ITIH2: variants seen among roughly 807,000 people sequenced by gnomAD.
ITIH2 encodes inter-alpha-trypsin inhibitor heavy chain H2.
A neutral mutation model predicts 104.4 loss-of-function variants in ITIH2; 103 were observed. The ratio of observed to expected loss-of-function variants is 0.99; its 90% CI spans 0.84 to 1.16. The LOEUF (loss-of-function observed/expected upper bound fraction) is 1.16. Ranked by LOEUF, ITIH2 falls within the 50% of genes most tolerant of loss-of-function variation. The pLI, the probability that ITIH2 is intolerant of heterozygous loss-of-function variation, is 0.00. For missense variants in ITIH2, 1,108 were observed against 1,162.4 expected, an observed-to-expected ratio of 0.95 and a Z score of 0.68; for synonymous variants, 436 against 435.4, an observed-to-expected ratio of 1.00 and a Z score of -0.02.
At chr10:7,740,331 C>T (rs933161475) in intron 16 of ITIH2, among the ~76,000 whole-genome samples, 10 of 152,308 alleles carry the variant, frequency 6.6e-5, no homozygotes, top group Non-Finnish European at 7.3e-5. Flanking sequence ...ACAACACTCC[C>T]GTCTCCTACC....
At chr10:7,740,458 T>G (rs929716421) in intron 16 of ITIH2, among the ~76,000 whole-genome samples, 1 of 152,196 alleles carries the variant, frequency 6.6e-6, no homozygotes, top group African/African-American at 2.4e-5. Flanking sequence ...GGAGGAGCAG[T>G]TGCTTTTACT....
chr10:7,704,922 G>A (rs1167008586), intron 1 of ITIH2, among the ~76,000 whole-genome samples, 186 bp from the exon 2 acceptor site: 1 of 151,288 alleles, frequency 6.6e-6, no homozygotes, highest in African/African-American at 2.4e-5. Flanking sequence ...GGCCTGTCAG[G>A]GGGTGGGGGG....
chr10:7,747,704 T>C (rs1038618526), intron 20 of ITIH2, among the ~76,000 whole-genome samples: 3 of 151,858 alleles, frequency 2.0e-5, no homozygotes, highest in Non-Finnish European at 2.9e-5. Flanking sequence ...CTGGGCAACA[T>C]AGTAAGACTC....
At chr10:7,735,371 G>A (rs1485077238) in intron 15 of ITIH2, among the ~76,000 whole-genome samples, 4 of 152,110 alleles carry the variant, frequency 2.6e-5, no homozygotes, top group Non-Finnish European at 4.4e-5. Context: ...ATCTTAGCCT[G>A]GGCAACATAG....
Position 7,705,821 on chromosome 10 carries a change from G to A in ITIH2, c.159+639G>A, listed in dbSNP as rs145278686. ...TTAGGAAGACTTTTCTTATTTTAGCGATGACAGACACTCCCCCTTGCAGCC... is the reference window on the plus strand; with the variant it reads ...TTAGGAAGACTTTTCTTATTTTAGCAATGACAGACACTCCCCCTTGCAGCC... On this transcript the variant is annotated intron_variant, in intron 2 of 20. Coordinates refer to ENST00000358415, the MANE Select transcript of ITIH2 (RefSeq NM_002216.3). Among the ~76,000 whole-genome samples, 85 of 151,938 alleles carry A rather than the reference G, an allele frequency of 5.6e-4. 1 individual carries two copies. Among genetic ancestry groups the A allele is most frequent in the Middle Eastern group, 3.4e-3 (1 of 294 alleles).
intron 5 of ITIH2, among the ~76,000 whole-genome samples, chr10:7,715,706 C>G (rs1300261848): frequency 2.0e-5 from 3 of 152,296 alleles, no homozygotes; most frequent in Admixed American, 2.0e-4. Context: ...ATCCCTTAGG[C>G]TGATTGTGCA....
At chr10:7,719,056 G>A (rs1176065288) in intron 6 of ITIH2, among the ~76,000 whole-genome samples, 4 of 152,184 alleles carry the variant, frequency 2.6e-5, no homozygotes, top group Non-Finnish European at 5.9e-5. Flanking sequence ...AGAGTACAGA[G>A]GCCAACATGC....
At chr10:7,736,771 A>G (rs1332381856) in intron 15 of ITIH2, among the ~76,000 whole-genome samples, 1 of 152,200 alleles carries the variant, frequency 6.6e-6, no homozygotes, top group Non-Finnish European at 1.5e-5. Context: ...GAATGGATTG[A>G]AAGAGACAGG....
chr10:7,747,708 A>G (rs1418706844), intron 20 of ITIH2, among the ~76,000 whole-genome samples: 4 of 152,126 alleles, frequency 2.6e-5, no homozygotes, highest in Non-Finnish European at 5.9e-5. Context: ...GCAACATAGT[A>G]AGACTCCATC....
At position 7,749,409 on chromosome 10, in the gene ITIH2, T is replaced by C. The variant is rs1835216211; in HGVS notation, c.*75T>C. The C allele has an allele frequency of 1.5e-6, 2 of 1,301,010 alleles. No homozygotes were observed. Among genetic ancestry groups the C allele is most frequent in the South Asian group, 2.9e-5 (2 of 69,782 alleles). The allele number at this position is 1,301,010 out of a possible 1,614,324, so 80.6% of individuals were successfully genotyped here. A position where few individuals can be genotyped will look rare whatever the true frequency, so the allele number is the denominator to read the frequency against. ...TCACTTTTGCAGATATTCTTCGGTTTGAATAATTAAAATGAACCAGATATC... is the reference window on the plus strand; with the variant it reads ...TCACTTTTGCAGATATTCTTCGGTTCGAATAATTAAAATGAACCAGATATC... On this transcript the variant is annotated 3_prime_UTR_variant, in exon 21 of 21. Coordinates refer to ENST00000358415, the MANE Select transcript of ITIH2 (RefSeq NM_002216.3).
At chr10:7,731,751 T>C in intron 12 of ITIH2, 60 bp from the exon 13 acceptor site, 1 of 1,167,744 alleles carries the variant, frequency 8.6e-7, no homozygotes, top group South Asian at 1.6e-5. Flanking sequence ...TAAAATAAAA[T>C]GCTTTAGATC....
intron 16 of ITIH2, among the ~76,000 whole-genome samples, chr10:7,739,065 T>C (rs1342497310): frequency 6.6e-6 from 1 of 152,232 alleles, no homozygotes; most frequent in African/African-American, 2.4e-5. Flanking sequence ...AGAGTTTTGG[T>C]GGCTGTGGCT....
chr10:7,732,011 CCA>C lies in ITIH2; in HGVS notation c.1647+16_1647+17del, dbSNP rs777590579. ...CGGCGACTTCGGTACTTCCACTTATCCATTTATTCTATCTACTAACTGACCCC... is the reference window on the plus strand; with the variant it reads ...CGGCGACTTCGGTACTTCCACTTATCTTTATTCTATCTACTAACTGACCCC... On this transcript the variant is annotated intron_variant, in intron 13 of 20. Transcript: ENST00000358415. 7 of 1,596,226 alleles carry C rather than the reference CCA, an allele frequency of 4.4e-6. No individual in the cohort carries two copies. Among genetic ancestry groups the C allele is most frequent in the South Asian group, 1.1e-5 (1 of 89,966 alleles).
chr10:7,725,440 GAAGTGAGAGGC>G (rs1834943144), intron 9 of ITIH2, among the ~76,000 whole-genome samples: 1 of 152,232 alleles, frequency 6.6e-6, no homozygotes, highest in African/African-American at 2.4e-5. Flanking sequence ...TGAGATCTGA[GAAGTGAGAGGC>G]AAGGTGGCTC....
At chr10:7,720,290 G>A (rs10905221) in intron 6 of ITIH2, among the ~76,000 whole-genome samples, 44,502 of 152,092 alleles carry the variant, frequency 0.29, 8,026 homozygotes, top group African/African-American at 0.52. Context: ...AATTTATACA[G>A]ATTTTTCAAA....
chr10:7,735,408 T>G (rs11255324), intron 15 of ITIH2, among the ~76,000 whole-genome samples: 1 of 152,184 alleles, frequency 6.6e-6, no homozygotes, highest in East Asian at 1.9e-4. Context: ...AAGAAAAGTT[T>G]TTTTTCATTA....
intron 1 of ITIH2, among the ~76,000 whole-genome samples, chr10:7,704,305 C>A (rs1282668508): frequency 6.6e-6 from 1 of 152,222 alleles, no homozygotes. Flanking sequence ...GGGAAAATAT[C>A]ACTCTGTCTG....
intron 15 of ITIH2, among the ~76,000 whole-genome samples, chr10:7,737,502 TTGTATTCTATATATTATATACTA>T (rs969523947): frequency 1.4e-5 from 2 of 138,096 alleles, no homozygotes. Flanking sequence ...TATATATATT[TTGTATTCTATATATTATATACTA>T]TGTATTCTAT....
rs1834905489 is a variant in ITIH2, at chr10:7,721,731, T to C, written c.821T>C (p.Val274Ala). 2.5e-6 allele frequency: 4 copies of C among 1,613,942 alleles called. No homozygotes were observed. Among genetic ancestry groups the C allele is most frequent in the Non-Finnish European group, 3.4e-6 (4 of 1,179,926 alleles). ...GAGACTGCGGTAGATGGGGAACTGG[T>C]GGTGCTGTATGACGTGAAAAGAGAA... ...CRETAVDGEL[V>A]VLYDVKREEK... Residue 274 changes from valine to alanine, a missense_variant, in exon 8 of 21, where the codon GTG (valine) becomes GCG (alanine). Coordinates refer to ENST00000358415, the MANE Select transcript of ITIH2 (RefSeq NM_002216.3).
Sources: gnomAD v4.1 joint callset for allele counts (sites outside exome capture counted in the v4.1 genomes callset) on GRCh38, gnomAD v4.1.1 for gene constraint, MANE v1.5 for transcripts, NCBI Gene and HGNC (gene_info 2026-07-23, HGNC 2026-07-21) for gene names.